BMAL1: variants seen among roughly 807,000 people sequenced by gnomAD.
BMAL1 encodes the protein basic helix-loop-helix ARNT-like protein 1.
At chr11:13,326,201 T>TG in the BMAL1 span, among the ~76,000 whole-genome samples, 2 of 142,520 alleles carry the variant, frequency 1.4e-5, no homozygotes, top group African/African-American at 2.6e-5. Flanking sequence ...AGACTCTGTC[T>TG]AAAAAAAAAA....
chr11:13,378,224 A>T, the BMAL1 span: 7 of 1,378,464 alleles, frequency 5.1e-6, no homozygotes, highest in Admixed American at 9.3e-5. Flanking sequence ...TCAAGGCACA[A>T]CTCTGATGTT....
At chr11:13,384,288 G>T in the BMAL1 span, among the ~76,000 whole-genome samples, 1 of 152,076 alleles carries the variant, frequency 6.6e-6, no homozygotes, top group Non-Finnish European at 1.5e-5. Flanking sequence ...GATGAGATAG[G>T]GAGTATTAAT....
chr11:13,291,521 C>T, the BMAL1 span, among the ~76,000 whole-genome samples: 2 of 152,162 alleles, frequency 1.3e-5, no homozygotes, highest in African/African-American at 4.8e-5. Context: ...TATGACATCT[C>T]CTCTTGTGGA....
chr11:13,282,424 C>T, the BMAL1 span, among the ~76,000 whole-genome samples: 3 of 152,146 alleles, frequency 2.0e-5, no homozygotes, highest in Admixed American at 1.3e-4. Context: ...TGCTGCTCTT[C>T]GTTGCCTTGC....
the BMAL1 span, chr11:13,387,190 T>TTA: frequency 6.5e-6 from 1 of 154,146 alleles, no homozygotes; most frequent in African/African-American, 2.4e-5. Flanking sequence ...TAAGAATCCT[T>TTA]TACTATAAAT....
the BMAL1 span, chr11:13,372,014 C>G: frequency 1.8e-6 from 2 of 1,086,008 alleles, no homozygotes; most frequent in Non-Finnish European, 2.6e-6. Flanking sequence ...TCCGTCTGCC[C>G]CTTTCATTAG....
At chr11:13,335,997 AAGAG>A in the BMAL1 span, among the ~76,000 whole-genome samples, 132 of 151,914 alleles carry the variant, frequency 8.7e-4, no homozygotes, top group African/African-American at 2.9e-3. Flanking sequence ...ATGAAAGAGC[AAGAG>A]AGAGAGAGTG....
At chr11:13,334,525 G>A in the BMAL1 span, among the ~76,000 whole-genome samples, 26 of 88,412 alleles carry the variant, frequency 2.9e-4, 1 homozygote, top group Admixed American at 4.0e-3. Context: ...CAGGGCTCTT[G>A]ATGTTTTTTT....
At chr11:13,362,889 T>C in the BMAL1 span, among the ~76,000 whole-genome samples, 1 of 152,090 alleles carries the variant, frequency 6.6e-6, no homozygotes, top group African/African-American at 2.4e-5. Context: ...TTTCATTTTG[T>C]ACTGGGCCCC....
the BMAL1 span, among the ~76,000 whole-genome samples, chr11:13,311,351 C>A: frequency 6.6e-6 from 1 of 152,066 alleles, no homozygotes; most frequent in African/African-American, 2.4e-5. Flanking sequence ...ATGGAAGAGA[C>A]CCAGAGGCCA....
At chr11:13,293,349 C>A in the BMAL1 span, among the ~76,000 whole-genome samples, 2 of 152,222 alleles carry the variant, frequency 1.3e-5, no homozygotes, top group African/African-American at 4.8e-5. Context: ...CCTTTTACTT[C>A]ATAACCTGGG....
the BMAL1 span, among the ~76,000 whole-genome samples, chr11:13,352,161 C>G: frequency 1.3e-5 from 2 of 152,104 alleles, no homozygotes; most frequent in African/African-American, 2.4e-5. Context: ...GCACCTGCCT[C>G]TTTTCTCAGT....
chr11:13,333,719 T>C, the BMAL1 span, among the ~76,000 whole-genome samples: 4 of 152,238 alleles, frequency 2.6e-5, no homozygotes, highest in Admixed American at 2.6e-4. Flanking sequence ...CTGCTCCTGC[T>C]TTATGGACAT....
the BMAL1 span, among the ~76,000 whole-genome samples, chr11:13,377,765 G>A: frequency 1.3e-5 from 2 of 152,160 alleles, no homozygotes; most frequent in East Asian, 3.8e-4. Context: ...TGAATTCCTT[G>A]GAGGAGTCTC....
chr11:13,339,714 A>C, the BMAL1 span, among the ~76,000 whole-genome samples: 1 of 150,602 alleles, frequency 6.6e-6, no homozygotes, highest in African/African-American at 2.4e-5. Flanking sequence ...GTCACCTCTC[A>C]CCTCCTCCTG....
chr11:13,300,152 G>T, the BMAL1 span, among the ~76,000 whole-genome samples: 1 of 151,978 alleles, frequency 6.6e-6, no homozygotes. Flanking sequence ...TGGGCCCCTC[G>T]TCTTCCCTAT....
At chr11:13,293,389 T>C in the BMAL1 span, among the ~76,000 whole-genome samples, 1 of 152,234 alleles carries the variant, frequency 6.6e-6, no homozygotes, top group African/African-American at 2.4e-5. Flanking sequence ...ATTTGCTTTA[T>C]TATTTAGATA....
the BMAL1 span, among the ~76,000 whole-genome samples, chr11:13,336,042 A>G: frequency 6.6e-6 from 1 of 152,234 alleles, no homozygotes; most frequent in Non-Finnish European, 1.5e-5. Context: ...CATGCTTACA[A>G]ATTAGCTAGA....
At chr11:13,283,878 T>G in the BMAL1 span, among the ~76,000 whole-genome samples, 4 of 151,968 alleles carry the variant, frequency 2.6e-5, no homozygotes, top group African/African-American at 9.7e-5. Flanking sequence ...AGGCCCCCTG[T>G]GGCTCAGCCA....
Sources: gnomAD v4.1 joint callset for allele counts (sites outside exome capture counted in the v4.1 genomes callset) on GRCh38, gnomAD v4.1.1 for gene constraint, MANE v1.5 for transcripts, NCBI Gene and HGNC (gene_info 2026-07-23, HGNC 2026-07-21) for gene names.